The following C2CD5 variants were observed in gnomAD, a reference collection of about 807,000 sequenced individuals.
C2CD5 encodes the protein C2 calcium dependent domain containing 5.
Under a neutral mutation model 130.3 loss-of-function variants are expected in C2CD5, and 109 were observed. The ratio of observed to expected loss-of-function variants is 0.84; its 90% CI spans 0.72 to 0.98. The LOEUF (loss-of-function observed/expected upper bound fraction) is 0.98. C2CD5 is among the 50% of genes least tolerant of loss of function. The pLI is 0.00. For missense variants in C2CD5, 996 were observed against 1,261.8 expected (o/e 0.79, Z 3.19); for synonymous variants, 454 against 429.2 (o/e 1.06, Z -0.71).
intron 7 of C2CD5, 146 bp from the exon 8 acceptor site, chr12:22,518,283 C>T (rs1949954040): frequency 2.8e-6 from 2 of 724,308 alleles, no homozygotes; most frequent in Non-Finnish European, 4.8e-6. Flanking sequence ...CCAAAGACAA[C>T]CAATTGCTGT....
chr12:22,489,931 C>T (rs1946122224), intron 12 of C2CD5, among the ~76,000 whole-genome samples, 192 bp downstream of exon 12: 2 of 151,992 alleles, frequency 1.3e-5, no homozygotes, highest in Admixed American at 1.3e-4. Flanking sequence ...ATAATGTGTG[C>T]CATATAGTGC....
At chr12:22,543,291 C>A (rs1952584889) in intron 2 of C2CD5, among the ~76,000 whole-genome samples, 1 of 152,222 alleles carries the variant, frequency 6.6e-6, no homozygotes, top group Non-Finnish European at 1.5e-5. Flanking sequence ...TAGGCCTTTA[C>A]TAATTTGCAT....
intron 25 of C2CD5, among the ~76,000 whole-genome samples, chr12:22,454,663 T>C (rs1939455962): frequency 6.6e-6 from 1 of 151,920 alleles, no homozygotes; most frequent in African/African-American, 2.4e-5. Context: ...CTGTGAACTC[T>C]AAGTTGAAGT....
At chr12:22,537,972 A>G (rs1445948833) in intron 2 of C2CD5, among the ~76,000 whole-genome samples, 1 of 152,184 alleles carries the variant, frequency 6.6e-6, no homozygotes, top group Non-Finnish European at 1.5e-5. Context: ...TTTGGTCTTC[A>G]CTGGGTCCCT....
rs76327595 is a variant in C2CD5, at chr12:22,521,968, ACT to A, written c.800+1456_800+1457del. 1.8e-3 allele frequency among the ~76,000 whole-genome samples: 269 copies of A among 152,108 alleles called. 2 individuals are homozygous for A. The highest frequency in any genetic ancestry group is 3.2e-3 in the Non-Finnish European group (215 of 67,978). On this transcript the variant is annotated intron_variant, in intron 7 of 26. Coordinates refer to ENST00000446597, the MANE Select transcript of C2CD5 (RefSeq NM_001286176.2). Reference sequence around the variant, plus strand: ...ACATTTTAGGTTTCCTGACTATACAACTCTGACTCCCTGATTATCTAGGACAG... The same window carrying A: ...ACATTTTAGGTTTCCTGACTATACAACTGACTCCCTGATTATCTAGGACAG...
rs137952007 is a variant in C2CD5, at chr12:22,461,358, T to C, written c.2534-1816A>G. Among the ~76,000 whole-genome samples the C allele has an allele frequency of 1.6e-3, 249 of 152,284 alleles. 1 individual carries two copies. The highest frequency in any genetic ancestry group is 5.8e-3 in the African/African-American group (239 of 41,560). ...GGGGAAAGAGGAACGGCTTAAAAATTTCTGAAAAATCACTAAAACGAAAAT... is the reference window on the plus strand; with the variant it reads ...GGGGAAAGAGGAACGGCTTAAAAATCTCTGAAAAATCACTAAAACGAAAAT... On this transcript the variant is annotated intron_variant, in intron 22 of 26. Transcript: ENST00000446597.
chr12:22,509,690 C>A (rs970940823), intron 9 of C2CD5, among the ~76,000 whole-genome samples: 1 of 152,222 alleles, frequency 6.6e-6, no homozygotes, highest in South Asian at 2.1e-4. Flanking sequence ...CTGTCAAGTA[C>A]TTCTATGTGC....
At chr12:22,500,195 A>T (rs1006465767) in intron 10 of C2CD5, among the ~76,000 whole-genome samples, 1 of 152,018 alleles carries the variant, frequency 6.6e-6, no homozygotes, top group Non-Finnish European at 1.5e-5. Context: ...AAAACAAAAA[A>T]TTCTAACGCT....
At chr12:22,478,560 C>A in intron 14 of C2CD5, 83 bp from the exon 15 acceptor site, 1 of 1,256,966 alleles carries the variant, frequency 8.0e-7, no homozygotes, top group South Asian at 1.4e-5. Context: ...AGAATGTGGT[C>A]AACAGCTGGG....
At chr12:22,542,205 C>A (rs766917937) in intron 2 of C2CD5, among the ~76,000 whole-genome samples, 5 of 152,186 alleles carry the variant, frequency 3.3e-5, no homozygotes, top group Non-Finnish European at 5.9e-5. Flanking sequence ...TATAAAGAAA[C>A]AAACTAATAC....
chr12:22,494,883 A>C (rs1946814660), intron 10 of C2CD5, among the ~76,000 whole-genome samples: 1 of 152,072 alleles, frequency 6.6e-6, no homozygotes, highest in African/African-American at 2.4e-5. Flanking sequence ...ATACACTTTC[A>C]AATCCATACT....
intron 16 of C2CD5, 46 bp downstream of exon 16, chr12:22,474,705 T>A (rs769953640): frequency 6.2e-6 from 9 of 1,462,730 alleles, no homozygotes; most frequent in Non-Finnish European, 8.3e-6. Flanking sequence ...AAAATGTGTA[T>A]CTTAGCTTCC....
Position 22,523,051 on chromosome 12 carries a change from T to A in C2CD5, c.800+375A>T, listed in dbSNP as rs150791021. Among the ~76,000 whole-genome samples, 230 of 151,894 alleles carry A rather than the reference T, an allele frequency of 1.5e-3. 1 individual carries two copies. Among genetic ancestry groups the A allele is most frequent in the Middle Eastern group, 6.8e-3 (2 of 294 alleles). On this transcript the variant is annotated intron_variant, in intron 7 of 26. Transcript: ENST00000446597. Reference sequence around the variant, plus strand: ...CAACATGACAAAACCCCATCTCTACTAAAAATACAAAAGTTAGCTGGGCGT... The same window carrying A: ...CAACATGACAAAACCCCATCTCTACAAAAAATACAAAAGTTAGCTGGGCGT...
chr12:22,530,193 G>GTA (rs1053003326), intron 3 of C2CD5, among the ~76,000 whole-genome samples: 4 of 124,436 alleles, frequency 3.2e-5, no homozygotes, highest in Non-Finnish European at 3.1e-5. Context: ...ATACAACTGT[G>GTA]TATATATATA....
intron 2 of C2CD5, among the ~76,000 whole-genome samples, chr12:22,538,973 T>C (rs1398347250): frequency 1.3e-5 from 2 of 152,180 alleles, no homozygotes. Flanking sequence ...CATTAATTTT[T>C]CCCCTTTCTA....
At chr12:22,465,637 C>A (rs1167201378) in intron 22 of C2CD5, among the ~76,000 whole-genome samples, 1 of 151,800 alleles carries the variant, frequency 6.6e-6, no homozygotes, top group African/African-American at 2.4e-5. Flanking sequence ...AACCCAGATT[C>A]CCCCCCATTT....
intron 4 of C2CD5, 36 bp downstream of exon 4, chr12:22,527,685 G>A (rs769473405): frequency 8.6e-7 from 1 of 1,163,240 alleles, no homozygotes; most frequent in Non-Finnish European, 1.2e-6. Flanking sequence ...AAAAGATTAA[G>A]ATTGTTATTT....
chr12:22,541,544 C>T (rs887288109), intron 2 of C2CD5, among the ~76,000 whole-genome samples: 8 of 152,264 alleles, frequency 5.3e-5, no homozygotes, highest in Admixed American at 1.3e-4. Context: ...GCCAGCCACA[C>T]GCATTTTCCT....
chr12:22,471,544 C>G, intron 19 of C2CD5, 56 bp from the exon 20 acceptor site: 1 of 1,020,646 alleles, frequency 9.8e-7, no homozygotes, highest in Non-Finnish European at 1.4e-6. Flanking sequence ...TTTTTAAAAG[C>G]TGATTTTTTT....
Sources: allele counts gnomAD v4.1 joint callset (sites outside exome capture counted in the v4.1 genomes callset), GRCh38; gene constraint gnomAD v4.1.1; transcripts MANE v1.5; gene names NCBI Gene and HGNC (gene_info 2026-07-23, HGNC 2026-07-21).